The following NUMB variants were observed in gnomAD, a reference collection of about 807,000 sequenced individuals.
The protein encoded by NUMB is NUMB endocytic adaptor protein.
A neutral mutation model predicts 59.7 loss-of-function variants in NUMB; 29 were observed. The observed-to-expected ratio is 0.49, with a 90% CI of 0.36 to 0.66. The LOEUF (loss-of-function observed/expected upper bound fraction) is 0.66. Among genes scored for constraint, NUMB ranks in the 30% least tolerant of loss-of-function variants. The pLI, the probability that NUMB is intolerant of heterozygous loss-of-function variation, is 0.00. For synonymous variants in NUMB, 288 were observed against 288.2 expected (o/e 1.00, Z 0.01); for missense variants, 723 against 822.0 (o/e 0.88, Z 1.47).
chr14:73,383,976 C>T (rs1895375746), intron 2 of NUMB, among the ~76,000 whole-genome samples: 1 of 151,946 alleles, frequency 6.6e-6, no homozygotes. Context: ...AAGATCATGC[C>T]ACTGCACTCC....
At chr14:73,313,668 G>GAAAAAAAAAAAAAAAAAAAAAAAA (rs10582204) in intron 6 of NUMB, among the ~76,000 whole-genome samples, 2 of 124,106 alleles carry the variant, frequency 1.6e-5, no homozygotes, top group Admixed American at 8.5e-5. Flanking sequence ...TCCAAAATCT[G>GAAAAAAAAAAAAAAAAAAAAAAAA]AAAAAAAAAA....
chr14:73,344,780 C>T (rs1892817688), intron 4 of NUMB, among the ~76,000 whole-genome samples: 1 of 152,128 alleles, frequency 6.6e-6, no homozygotes, highest in African/African-American at 2.4e-5. Flanking sequence ...AGAATTTACC[C>T]AATAGAAGAT....
intron 5 of NUMB, among the ~76,000 whole-genome samples, chr14:73,320,815 A>G (rs1351974140): frequency 1.3e-5 from 2 of 151,658 alleles, no homozygotes; most frequent in East Asian, 3.9e-4. Context: ...ATTAAATTTT[A>G]TTATCTAAAT....
At chr14:73,357,116 G>T (rs1441961097) in intron 3 of NUMB, 12 of 594,486 alleles carry the variant, frequency 2.0e-5, no homozygotes, top group Admixed American at 6.3e-5. Context: ...TAACTAAAAA[G>T]TGTTGGCCGG....
chr14:73,405,014 C>T (rs1243270122), intron 2 of NUMB, among the ~76,000 whole-genome samples: 1 of 152,128 alleles, frequency 6.6e-6, no homozygotes, highest in Non-Finnish European at 1.5e-5. Context: ...CCGCCTCTGC[C>T]TCCCAAAGTG....
intron 6 of NUMB, among the ~76,000 whole-genome samples, chr14:73,300,892 TA>T (rs991129432): frequency 1.3e-5 from 2 of 151,372 alleles, no homozygotes; most frequent in South Asian, 2.1e-4. Flanking sequence ...TAAAGTACAA[TA>T]AAAAAAAGGA....
chr14:73,407,559 A>G (rs1379494413), intron 2 of NUMB, among the ~76,000 whole-genome samples: 2 of 152,220 alleles, frequency 1.3e-5, no homozygotes, highest in Non-Finnish European at 2.9e-5. Context: ...CAAACTTCTG[A>G]TATTGCCTCT....
At chr14:73,437,313 A>G (rs1041568504) in intron 1 of NUMB, among the ~76,000 whole-genome samples, 4 of 152,180 alleles carry the variant, frequency 2.6e-5, no homozygotes, top group African/African-American at 9.7e-5. Flanking sequence ...CTGGGATTAC[A>G]GGCATAAGCC....
At chr14:73,299,558 TATGTCATATATATGACATGACATATGTC>T (rs1430743774) in intron 6 of NUMB, among the ~76,000 whole-genome samples, 228 of 127,962 alleles carry the variant, frequency 1.8e-3, no homozygotes, top group Middle Eastern at 3.8e-3. Flanking sequence ...ATGTATCATA[TATGTCATATATATGACATGACATATGTC>T]ATGTCATATA....
chr14:73,439,754 T>C (rs1000188209), intron 1 of NUMB, among the ~76,000 whole-genome samples: 2 of 152,074 alleles, frequency 1.3e-5, no homozygotes, highest in East Asian at 3.9e-4. Flanking sequence ...GATAGGTGAA[T>C]TAAAGAGGAG....
chr14:73,419,237 G>A (rs184794908), intron 1 of NUMB, among the ~76,000 whole-genome samples: 319 of 152,270 alleles, frequency 2.1e-3, no homozygotes, highest in Non-Finnish European at 3.6e-3. Flanking sequence ...AGGGCTGGGC[G>A]CGGTGGCTCA....
chr14:73,373,250 G>A (rs952940684), intron 2 of NUMB, among the ~76,000 whole-genome samples: 1 of 152,202 alleles, frequency 6.6e-6, no homozygotes, highest in African/African-American at 2.4e-5. Flanking sequence ...CCCTATTTCA[G>A]CAACCTCATA....
At chr14:73,384,963 G>C (rs997721702) in intron 2 of NUMB, among the ~76,000 whole-genome samples, 1 of 140,562 alleles carries the variant, frequency 7.1e-6, no homozygotes, top group Non-Finnish European at 1.5e-5. Context: ...GCACAATTTC[G>C]GCTCACTGTA....
intron 12 of NUMB, 45 bp from the exon 13 acceptor site, chr14:73,277,338 C>A (rs1019007234): frequency 1.4e-5 from 19 of 1,357,670 alleles, no homozygotes; most frequent in Non-Finnish European, 1.9e-5. Flanking sequence ...TTAGGGGCAT[C>A]TTTCCTCACC....
chr14:73,352,449 CACACACACAT>C (rs1398368538), intron 4 of NUMB, among the ~76,000 whole-genome samples: 6 of 45,374 alleles, frequency 1.3e-4, no homozygotes, highest in Non-Finnish European at 2.3e-4. Context: ...CACACACACA[CACACACACAT>C]ACACACACAC....
chr14:73,330,994 C>G (rs1469256937), intron 4 of NUMB, among the ~76,000 whole-genome samples: 1 of 152,328 alleles, frequency 6.6e-6, no homozygotes, highest in East Asian at 1.9e-4. Flanking sequence ...GGGGGTGCTG[C>G]TGGTACAAGT....
intron 1 of NUMB, among the ~76,000 whole-genome samples, chr14:73,445,354 C>CAAAAAAAAAAAAAAAAAAAAA (rs752154048): frequency 5.2e-5 from 3 of 57,578 alleles, no homozygotes; most frequent in African/African-American, 6.1e-5. Flanking sequence ...GACCCTGTCT[C>CAAAAAAAAAAAAAAAAAAAAA]AAAAAAAAAA....
chr14:73,344,176 T>A (rs570963456), intron 4 of NUMB, among the ~76,000 whole-genome samples: 10 of 152,358 alleles, frequency 6.6e-5, no homozygotes, highest in Non-Finnish European at 1.0e-4. Flanking sequence ...TCCCACTTTA[T>A]TTTTTATTTT....
At chr14:73,424,153 C>A (rs980768433) in intron 1 of NUMB, among the ~76,000 whole-genome samples, 2 of 151,826 alleles carry the variant, frequency 1.3e-5, no homozygotes, top group African/African-American at 4.8e-5. Context: ...TCACTCATTT[C>A]TGAATATGAG....
Sources: allele counts gnomAD v4.1 joint callset (sites outside exome capture counted in the v4.1 genomes callset), GRCh38; gene constraint gnomAD v4.1.1; transcripts MANE v1.5; gene names NCBI Gene and HGNC (gene_info 2026-07-23, HGNC 2026-07-21).